SLC44A5: variants seen among roughly 807,000 people sequenced by gnomAD.
SLC44A5 encodes the protein choline transporter-like protein 5.
In SLC44A5, 57 loss-of-function variants were observed where a neutral mutation model predicts 101.8. The observed-to-expected ratio is 0.56, with a 90% CI of 0.45 to 0.70. The LOEUF is 0.70. Ranked by LOEUF, SLC44A5 falls within the 30% of genes least tolerant of loss-of-function variation. SLC44A5 has a pLI of 0.00. For missense variants in SLC44A5, 737 were observed against 853.1 expected (o/e 0.86, Z 1.70); for synonymous variants, 281 against 290.9 (o/e 0.97, Z 0.35).
intron 9 of SLC44A5, among the ~76,000 whole-genome samples, chr1:75,240,309 T>G (rs1648506003): frequency 6.6e-6 from 1 of 152,122 alleles, no homozygotes; most frequent in African/African-American, 2.4e-5. Context: ...TGAACAAATT[T>G]TATTATCTGC....
chr1:75,289,799 G>A (rs984356775), intron 5 of SLC44A5, among the ~76,000 whole-genome samples: 1 of 152,216 alleles, frequency 6.6e-6, no homozygotes, highest in Non-Finnish European at 1.5e-5. Context: ...CGAAAGAGTA[G>A]AAGATCTGAA....
chr1:75,417,945 A>T (rs1663762790), intron 2 of SLC44A5, among the ~76,000 whole-genome samples: 1 of 152,228 alleles, frequency 6.6e-6, no homozygotes, highest in African/African-American at 2.4e-5. Context: ...AAAATGAAAC[A>T]TCTTCTGTGC....
At chr1:75,523,573 C>T (rs1297121995) in intron 2 of SLC44A5, among the ~76,000 whole-genome samples, 1 of 152,134 alleles carries the variant, frequency 6.6e-6, no homozygotes, top group Non-Finnish European at 1.5e-5. Flanking sequence ...CCACCCGCCT[C>T]GGCCTCCCAA....
At position 75,314,944 on chromosome 1, in the gene SLC44A5, C is replaced by T. The variant is rs371843028; in HGVS notation, c.102-14259G>A. On this transcript the variant is annotated intron_variant, in intron 4 of 23. Coordinates refer to ENST00000370859, the MANE Select transcript of SLC44A5 (RefSeq NM_001130058.2). ...GAGAAAGGAAGAATATACTAGAATA[C>T]AGTCTCTTATCTGGGCTTGAGCCTT... 1.3e-3 allele frequency among the ~76,000 whole-genome samples: 194 copies of T among 152,236 alleles called. 4 individuals carry two copies. In the South Asian group the frequency reaches 0.021, roughly 17 times the overall value.
At chr1:75,451,361 G>A (rs1011107676) in intron 2 of SLC44A5, among the ~76,000 whole-genome samples, 7 of 152,122 alleles carry the variant, frequency 4.6e-5, no homozygotes, top group African/African-American at 1.7e-4. Flanking sequence ...GGGCTTGTAG[G>A]TTGAACTGCA....
At chr1:75,562,189 T>C (rs1672555198) in intron 1 of SLC44A5, among the ~76,000 whole-genome samples, 2 of 152,080 alleles carry the variant, frequency 1.3e-5, no homozygotes, top group South Asian at 2.1e-4. Flanking sequence ...TTCTTGGAGG[T>C]AGTCATATAA....
chr1:75,262,437 A>G (rs1229408786), intron 6 of SLC44A5, among the ~76,000 whole-genome samples: 3 of 152,234 alleles, frequency 2.0e-5, no homozygotes, highest in Non-Finnish European at 4.4e-5. Flanking sequence ...GATGTGAAGC[A>G]TCTCTTCGAG....
At chr1:75,224,931 T>G (rs1208098764) in intron 13 of SLC44A5, among the ~76,000 whole-genome samples, 1 of 152,100 alleles carries the variant, frequency 6.6e-6, no homozygotes, top group Non-Finnish European at 1.5e-5. Flanking sequence ...AATTAAAAAT[T>G]TATAAAGTAA....
chr1:75,396,493 T>G, intron 3 of SLC44A5, 90 bp downstream of exon 3: 1 of 1,065,248 alleles, frequency 9.4e-7, no homozygotes, highest in South Asian at 1.5e-5. Context: ...AATATTTCGC[T>G]ATTCCTAGAT....
chr1:75,647,223 C>T, the SLC44A5 span, among the ~76,000 whole-genome samples: 7 of 152,208 alleles, frequency 4.6e-5, no homozygotes, highest in Admixed American at 1.3e-4. Flanking sequence ...TCAGAACGTT[C>T]AAGCCCCAAG....
At chr1:75,539,896 A>G (rs373595443) in intron 2 of SLC44A5, among the ~76,000 whole-genome samples, 8 of 152,350 alleles carry the variant, frequency 5.3e-5, no homozygotes, top group African/African-American at 1.7e-4. Context: ...AGAAAAAAAG[A>G]GATAAATGAG....
chr1:75,276,508 G>T (rs989300833), intron 5 of SLC44A5, among the ~76,000 whole-genome samples: 98 of 152,092 alleles, frequency 6.4e-4, no homozygotes, highest in African/African-American at 2.2e-3. Context: ...TAGATTGTTA[G>T]ATTTTCCCTG....
At chr1:75,719,414 T>G in the SLC44A5 span, among the ~76,000 whole-genome samples, 6 of 152,276 alleles carry the variant, frequency 3.9e-5, no homozygotes, top group African/African-American at 1.4e-4. Flanking sequence ...AAATTTATTT[T>G]GCAAATAAAT....
At chr1:75,706,299 A>T in the SLC44A5 span, among the ~76,000 whole-genome samples, 5 of 152,126 alleles carry the variant, frequency 3.3e-5, no homozygotes, top group South Asian at 8.3e-4. Context: ...ACTTGTTATT[A>T]GAGAACACAG....
Position 75,391,858 on chromosome 1 carries a change from C to T in SLC44A5, c.52+4725G>A, listed in dbSNP as rs187959695. Among the ~76,000 whole-genome samples, 416 of 152,112 alleles carry T rather than the reference C, an allele frequency of 2.7e-3. 4 individuals carry two copies. The highest frequency in any genetic ancestry group is 0.017 in the South Asian group (81 of 4,816). On this transcript the variant is annotated intron_variant, in intron 3 of 23. Coordinates refer to ENST00000370859, the MANE Select transcript of SLC44A5 (RefSeq NM_001130058.2). ...TCCACAAAAGCAATTTTAACAACAA[C>T]GACAAAAAAATTAAGCCAGGCACAG...
intron 2 of SLC44A5, among the ~76,000 whole-genome samples, chr1:75,488,520 T>A (rs1668272633): frequency 6.6e-6 from 1 of 152,148 alleles, no homozygotes; most frequent in South Asian, 2.1e-4. Context: ...GATTGTAAAA[T>A]TAACAAAGTA....
chr1:75,688,054 C>G, the SLC44A5 span, among the ~76,000 whole-genome samples: 1 of 152,216 alleles, frequency 6.6e-6, no homozygotes, highest in Non-Finnish European at 1.5e-5. Context: ...TCTGCTCTCT[C>G]TGACTAGAGA....
chr1:75,432,982 C>T (rs542960266), intron 2 of SLC44A5, among the ~76,000 whole-genome samples: 3 of 152,024 alleles, frequency 2.0e-5, no homozygotes, highest in Non-Finnish European at 4.4e-5. Context: ...GGAGTTTATC[C>T]CTTCCTACCT....
chr1:75,357,877 T>A (rs1450723629), intron 3 of SLC44A5, among the ~76,000 whole-genome samples: 1 of 152,148 alleles, frequency 6.6e-6, no homozygotes, highest in African/African-American at 2.4e-5. Context: ...AAGAGTTATA[T>A]GTCACACATC....
Sources: allele counts gnomAD v4.1 joint callset (sites outside exome capture counted in the v4.1 genomes callset), GRCh38; gene constraint gnomAD v4.1.1; transcripts MANE v1.5; gene names NCBI Gene and HGNC (gene_info 2026-07-23, HGNC 2026-07-21).